The following GPHN variants were observed in gnomAD, a reference collection of about 807,000 sequenced individuals.
The protein encoded by GPHN is gephyrin.
In GPHN, 17 loss-of-function variants were observed where a neutral mutation model predicts 95.5. That is an observed-to-expected ratio of 0.18 (90% CI 0.12 to 0.27). The LOEUF (loss-of-function observed/expected upper bound fraction) is 0.27, where lower values mean the gene tolerates loss of function less well. Ranked by LOEUF, GPHN falls within the 10% of genes least tolerant of loss-of-function variation. The pLI, the probability that GPHN is intolerant of heterozygous loss-of-function variation, is 1.00. For missense variants in GPHN, 660 were observed against 978.1 expected (o/e 0.67, Z 4.34); for synonymous variants, 320 against 322.5 (o/e 0.99, Z 0.08).
rs944645870 is a variant in GPHN, at chr14:66,508,216, G to C, written c.-312G>C. ...TCCGCAGAGCGTTCCGACACTCTCC[G>C]GCCTCGTTCTGCCGCCTCCGCGCGC... On this transcript the variant is annotated 5_prime_UTR_variant, in exon 1 of 23. Transcript: ENST00000478722. 1 of 526,260 alleles carries C rather than the reference G, an allele frequency of 1.9e-6. No homozygotes were observed. Among genetic ancestry groups the C allele is most frequent in the Non-Finnish European group, 3.4e-6 (1 of 290,532 alleles). The allele number at this position is 526,260 out of a possible 1,614,324, so 32.6% of individuals were successfully genotyped here.
chr14:67,082,080 G>A (rs1172964065), intron 11 of GPHN, among the ~76,000 whole-genome samples: 3 of 152,018 alleles, frequency 2.0e-5, no homozygotes, highest in African/African-American at 4.8e-5. Context: ...TGGCTGTGTG[G>A]GCTCCTTTTT....
the GPHN span, among the ~76,000 whole-genome samples, chr14:67,463,510 G>A: frequency 1.3e-5 from 2 of 151,894 alleles, no homozygotes; most frequent in African/African-American, 2.4e-5. Context: ...GTGGCGGCAC[G>A]CGCCTGTAGT....
intron 8 of GPHN, among the ~76,000 whole-genome samples, chr14:66,956,627 G>A (rs1398778058): frequency 6.6e-6 from 1 of 151,882 alleles, no homozygotes; most frequent in African/African-American, 2.4e-5. Context: ...GCATTTCTCT[G>A]ATGGCCAGTG....
chr14:67,559,869 G>C, the GPHN span, among the ~76,000 whole-genome samples: 2 of 152,044 alleles, frequency 1.3e-5, no homozygotes, highest in Non-Finnish European at 2.9e-5. Context: ...CTTTCCTTTT[G>C]TCTTGGTTGG....
intron 9 of GPHN, among the ~76,000 whole-genome samples, chr14:66,981,001 A>G (rs1407769461): frequency 3.3e-5 from 5 of 152,222 alleles, no homozygotes; most frequent in Middle Eastern, 3.2e-3. Context: ...GTGAGCCGAG[A>G]TTGCGCCATT....
At chr14:67,201,493 T>C in the GPHN span, 2 of 455,872 alleles carry the variant, frequency 4.4e-6, no homozygotes, top group South Asian at 1.5e-5. Flanking sequence ...GTAGAAGATA[T>C]TCATCTCATC....
chr14:67,702,796 A>G, the GPHN span, among the ~76,000 whole-genome samples: 162 of 152,296 alleles, frequency 1.1e-3, no homozygotes, highest in African/African-American at 3.7e-3. Context: ...ATGCACAAAT[A>G]GAGATCTTAT....
intron 9 of GPHN, among the ~76,000 whole-genome samples, chr14:66,997,366 T>TAA (rs34315684): frequency 7.3e-5 from 9 of 123,966 alleles, no homozygotes; most frequent in African/African-American, 1.1e-4. Flanking sequence ...GACTTCGTCT[T>TAA]AAAAAAAAAA....
rs574978791 is a variant in GPHN at position 66,559,979 on chromosome 14, G to C, written c.64+51388G>C. Among the ~76,000 whole-genome samples, 602 of 152,162 alleles carry C rather than the reference G, an allele frequency of 4.0e-3. 5 individuals carry two copies. The highest frequency in any genetic ancestry group is 0.014 in the African/African-American group (567 of 41,522). On this transcript the variant is annotated intron_variant, in intron 1 of 22. Transcript: ENST00000478722. ...ATATGGCTAGCTAGTTTTCCCAGCA[G>C]CATTTATTAAATAGGGAATCCTTTC...
chr14:66,865,014 A>G (rs968374803), intron 4 of GPHN, among the ~76,000 whole-genome samples: 3 of 152,214 alleles, frequency 2.0e-5, no homozygotes, highest in Non-Finnish European at 4.4e-5. Context: ...CAGGCACAGA[A>G]AGACAAACTT....
chr14:66,881,681 T>C (rs1482180799), intron 5 of GPHN, among the ~76,000 whole-genome samples: 1 of 151,886 alleles, frequency 6.6e-6, no homozygotes, highest in Non-Finnish European at 1.5e-5. Context: ...TATAGAAATA[T>C]CACTTTTTGT....
At chr14:66,922,524 A>C (rs1479818682) in intron 6 of GPHN, 142 bp from the exon 7 acceptor site, 1 of 654,524 alleles carries the variant, frequency 1.5e-6, no homozygotes, top group Non-Finnish European at 2.7e-6. Flanking sequence ...CATATTGCTA[A>C]GACAATGTTT....
intron 10 of GPHN, among the ~76,000 whole-genome samples, chr14:67,024,981 G>A (rs546686672): frequency 7.2e-5 from 11 of 152,118 alleles, no homozygotes; most frequent in African/African-American, 1.7e-4. Context: ...TTGGCAAGGC[G>A]CAGTGGCTCA....
intron 1 of GPHN, among the ~76,000 whole-genome samples, chr14:66,672,615 G>A (rs2066361930): frequency 6.6e-6 from 1 of 152,110 alleles, no homozygotes; most frequent in South Asian, 2.1e-4. Context: ...GCTAAGGACT[G>A]TTATGTATTC....
the GPHN span, among the ~76,000 whole-genome samples, chr14:67,297,079 CAT>C: frequency 6.6e-6 from 1 of 152,300 alleles, no homozygotes; most frequent in Middle Eastern, 3.4e-3. Context: ...AATAATACCA[CAT>C]GTGTGACAAA....
chr14:67,541,855 A>G, the GPHN span: 2 of 1,586,316 alleles, frequency 1.3e-6, no homozygotes, highest in South Asian at 1.2e-5. Context: ...ATAATCCAGA[A>G]GTCGATTCCA....
At chr14:67,417,016 G>A in the GPHN span, among the ~76,000 whole-genome samples, 5 of 152,208 alleles carry the variant, frequency 3.3e-5, no homozygotes, top group Non-Finnish European at 5.9e-5. Context: ...TCAAGACCAC[G>A]GACTGTGTGC....
At chr14:67,454,690 TA>T in the GPHN span, 1 of 152,122 alleles carries the variant, frequency 6.6e-6, no homozygotes, top group African/African-American at 2.4e-5. Context: ...AACTAAAAAG[TA>T]AGAAAATATA....
chr14:67,157,674 A>C (rs760526819), intron 18 of GPHN, among the ~76,000 whole-genome samples: 6 of 151,920 alleles, frequency 3.9e-5, no homozygotes, highest in African/African-American at 7.3e-5. Context: ...AAATACAAAA[A>C]TTCGCCGGGC....
Sources: allele counts gnomAD v4.1 joint callset (sites outside exome capture counted in the v4.1 genomes callset), GRCh38; gene constraint gnomAD v4.1.1; transcripts MANE v1.5; gene names NCBI Gene and HGNC (gene_info 2026-07-23, HGNC 2026-07-21).